Variants in EYS observed in about 807,000 individuals in gnomAD.
EYS encodes protein eyes shut homolog.
A neutral mutation model predicts 282.1 loss-of-function variants in EYS; 250 were observed. That is an observed-to-expected ratio of 0.89 (90% confidence interval 0.80 to 0.98). EYS has a LOEUF of 0.98. EYS is among the 50% of genes least tolerant of loss of function. The probability of loss-of-function intolerance (pLI) is 0.00; values close to 1 mark genes in which losing one functional copy is unlikely to be tolerated. For missense variants in EYS, 4,016 were observed against 3,709.0 expected, an observed-to-expected ratio of 1.08 and a Z score of -2.15; for synonymous variants, 1,355 against 1,282.9, an observed-to-expected ratio of 1.06 and a Z score of -1.20.
At chr6:64,689,145 G>A (rs1265233211) in intron 22 of EYS, among the ~76,000 whole-genome samples, 2 of 152,144 alleles carry the variant, frequency 1.3e-5, no homozygotes, top group East Asian at 1.9e-4. Context: ...AAATCAATGT[G>A]CAAAAATCAC....
intron 35 of EYS, among the ~76,000 whole-genome samples, chr6:63,941,987 C>T (rs535144001): frequency 6.6e-6 from 1 of 152,258 alleles, no homozygotes; most frequent in East Asian, 1.9e-4. Context: ...TGCCGTTAGC[C>T]ACCCAGAGTA....
chr6:64,546,423 AG>A (rs1333341703), intron 26 of EYS, among the ~76,000 whole-genome samples: 1 of 152,202 alleles, frequency 6.6e-6, no homozygotes, highest in African/African-American at 2.4e-5. Context: ...AAACCCTAGA[AG>A]AAAACCTGGG....
At chr6:64,912,327 T>A (rs1465091701) in intron 16 of EYS, among the ~76,000 whole-genome samples, 157 bp downstream of exon 16, 1 of 152,122 alleles carries the variant, frequency 6.6e-6, no homozygotes, top group Non-Finnish European at 1.5e-5. Context: ...CTCTAATACA[T>A]TTTTATAACT....
chr6:65,355,740 C>T (rs554752489), intron 8 of EYS, among the ~76,000 whole-genome samples: 11 of 152,132 alleles, frequency 7.2e-5, no homozygotes, highest in Non-Finnish European at 1.3e-4. Context: ...CTCAACATCA[C>T]CAATCATCAG....
chr6:65,615,058 C>A (rs1362828325), intron 2 of EYS, among the ~76,000 whole-genome samples: 1 of 152,068 alleles, frequency 6.6e-6, no homozygotes, highest in Non-Finnish European at 1.5e-5. Context: ...TACCAAAAGG[C>A]GAAATTCAAT....
chr6:64,215,212 C>G (rs1157762386), intron 31 of EYS, among the ~76,000 whole-genome samples: 1 of 151,846 alleles, frequency 6.6e-6, no homozygotes, highest in Non-Finnish European at 1.5e-5. Context: ...GAAATTCTAG[C>G]AAAGTTTCAG....
At position 64,301,685 on chromosome 6, in the gene EYS, C is replaced by T. The variant is rs143437889; in HGVS notation, c.6191+5285G>A. ...ATCTGCAAATAGCCATCTCTGATTA[C>T]GCAGGCCATGTAGACCTTGCCCTTC... is the stretch of plus-strand genomic sequence containing the variant. On this transcript the variant is annotated intron_variant, in intron 30 of 42. Coordinates refer to ENST00000503581, the MANE Select transcript of EYS (RefSeq NM_001142800.2). Among the ~76,000 whole-genome samples the T allele has an allele frequency of 1.1e-4, 17 of 152,258 alleles. No individual in the cohort carries two copies. The East Asian group carries it at 1.7e-3, about 16-fold the overall frequency.
chr6:64,446,496 T>C lies in EYS; in HGVS notation c.5645-7144A>G, dbSNP rs571419116. Reference sequence around the variant, plus strand: ...TATTTACTCCAACACCACATATTACTTTTAATAAAACAAATATATATTTTT... The same window carrying C: ...TATTTACTCCAACACCACATATTACCTTTAATAAAACAAATATATATTTTT... On this transcript the variant is annotated intron_variant, in intron 26 of 42. Transcript: ENST00000503581. 2.0e-5 allele frequency among the ~76,000 whole-genome samples: 3 copies of C among 152,288 alleles called. No homozygotes were observed. In the East Asian group the frequency reaches 5.8e-4, roughly 29 times the overall value.
chr6:64,246,018 C>CAAAAAAAAA lies in EYS; in HGVS notation c.6192-15203_6192-15195dup, dbSNP rs60121734. Reference sequence around the variant, plus strand: ...TGGGCGACAGAGCGAAACTCCGTCTCAAAAAAAAAAAAAAAAAAAAAAAAA... The same window carrying CAAAAAAAAA: ...TGGGCGACAGAGCGAAACTCCGTCTCAAAAAAAAAAAAAAAAAAAAAAAAAAAAAAAAAA... On this transcript the variant is annotated intron_variant, in intron 30 of 42. Coordinates refer to ENST00000503581, the MANE Select transcript of EYS (RefSeq NM_001142800.2). Among the ~76,000 whole-genome samples the CAAAAAAAAA allele has an allele frequency of 3.0e-3, 168 of 56,218 alleles. 11 individuals carry two copies. Among genetic ancestry groups the CAAAAAAAAA allele is most frequent in the African/African-American group, 8.5e-3 (104 of 12,194 alleles). The allele number at this position is 56,218 out of a possible 152,430, so 36.9% of individuals were successfully genotyped here.
intron 12 of EYS, among the ~76,000 whole-genome samples, chr6:65,273,135 T>C (rs1767949431): frequency 6.6e-6 from 1 of 152,228 alleles, no homozygotes; most frequent in Admixed American, 6.5e-5. Context: ...TTCATCATGC[T>C]ACTCCTAATG....
chr6:64,102,527 C>G (rs1030599873), intron 31 of EYS, among the ~76,000 whole-genome samples: 1 of 152,064 alleles, frequency 6.6e-6, no homozygotes, highest in Non-Finnish European at 1.5e-5. Flanking sequence ...ATCAAATACT[C>G]TAGTCCATTT....
At position 65,445,961 on chromosome 6, in the gene EYS, T is replaced by C. The variant is rs187482552; in HGVS notation, c.863-40594A>G. 2.3e-3 allele frequency among the ~76,000 whole-genome samples: 347 copies of C among 151,942 alleles called. 1 individual carries two copies. The highest frequency in any genetic ancestry group is 8.1e-3 in the African/African-American group (337 of 41,546). On this transcript the variant is annotated intron_variant, in intron 5 of 42. Transcript: ENST00000503581. Reference sequence around the variant, plus strand: ...AGATTCATGTTTACTACTCATAATTTAGGAGAAATAAAATTTGAACTAAAA... The same window carrying C: ...AGATTCATGTTTACTACTCATAATTCAGGAGAAATAAAATTTGAACTAAAA...
chr6:65,022,778 T>C (rs1159233613), intron 13 of EYS, among the ~76,000 whole-genome samples: 3 of 151,542 alleles, frequency 2.0e-5, no homozygotes, highest in Non-Finnish European at 4.4e-5. Flanking sequence ...CATAAGTCAG[T>C]ATTTATAAAA....
At chr6:64,921,294 G>A (rs1000792564) in intron 15 of EYS, among the ~76,000 whole-genome samples, 2 of 151,892 alleles carry the variant, frequency 1.3e-5, no homozygotes, top group African/African-American at 2.4e-5. Context: ...TCCACATACA[G>A]AATTATTAAC....
intron 16 of EYS, among the ~76,000 whole-genome samples, chr6:64,903,884 C>T (rs1767743570): frequency 6.6e-6 from 1 of 152,012 alleles, no homozygotes; most frequent in Non-Finnish European, 1.5e-5. Context: ...CTGGCTGCCT[C>T]TTCGGTAGTA....
chr6:64,417,617 A>T (rs895215448), intron 28 of EYS, among the ~76,000 whole-genome samples: 1 of 151,598 alleles, frequency 6.6e-6, no homozygotes, highest in Non-Finnish European at 1.5e-5. Context: ...ATATTTTAAA[A>T]ATCTAGTTTT....
At chr6:64,047,516 T>C (rs1770669287) in intron 33 of EYS, among the ~76,000 whole-genome samples, 1 of 152,340 alleles carries the variant, frequency 6.6e-6, no homozygotes, top group Non-Finnish European at 1.5e-5. Flanking sequence ...ATGATAATTG[T>C]TTCATGTTAA....
chr6:65,163,849 C>G (rs1764907585), intron 12 of EYS, among the ~76,000 whole-genome samples: 1 of 151,202 alleles, frequency 6.6e-6, no homozygotes, highest in Non-Finnish European at 1.5e-5. Context: ...TTGTCCATGA[C>G]AGTTTTCACA....
chr6:64,194,149 A>T (rs990285427), intron 31 of EYS, among the ~76,000 whole-genome samples: 2 of 152,000 alleles, frequency 1.3e-5, no homozygotes, highest in Admixed American at 1.3e-4. Context: ...GGGATTACAG[A>T]CATGAGCCAC....
Sources: allele counts gnomAD v4.1 joint callset (sites outside exome capture counted in the v4.1 genomes callset), GRCh38; gene constraint gnomAD v4.1.1; transcripts MANE v1.5; gene names NCBI Gene and HGNC (gene_info 2026-07-23, HGNC 2026-07-21).